Variants in PDE10A observed in about 807,000 individuals in gnomAD.
PDE10A encodes the protein cAMP and cAMP-inhibited cGMP 3',5'-cyclic phosphodiesterase 10A.
In PDE10A, 39 loss-of-function variants were observed where a neutral mutation model predicts 97.7. The ratio of observed to expected loss-of-function variants is 0.40; its 90% CI spans 0.31 to 0.52. The LOEUF (loss-of-function observed/expected upper bound fraction) is 0.52, where lower values mean the gene tolerates loss of function less well. PDE10A is among the 20% of genes least tolerant of loss of function. The pLI is 0.56. For synonymous variants in PDE10A, 371 were observed against 376.8 expected (o/e 0.98, Z 0.18); for missense variants, 731 against 1,047.8 (o/e 0.70, Z 4.17).
intron 18 of PDE10A, among the ~76,000 whole-genome samples, chr6:165,375,824 T>C (rs1355411997): frequency 2.0e-5 from 3 of 152,224 alleles, no homozygotes; most frequent in Non-Finnish European, 4.4e-5. Flanking sequence ...GTCAATTCTG[T>C]CTGTGCTCTA....
At chr6:165,659,613 CA>C (rs1221052269) in intron 1 of PDE10A, among the ~76,000 whole-genome samples, 3 of 152,336 alleles carry the variant, frequency 2.0e-5, no homozygotes, top group Admixed American at 6.5e-5. Flanking sequence ...AGTCATGTCC[CA>C]AATAAGACTG....
chr6:165,457,779 A>T (rs934357498), intron 3 of PDE10A, among the ~76,000 whole-genome samples: 1 of 151,116 alleles, frequency 6.6e-6, no homozygotes, highest in Non-Finnish European at 1.5e-5. Flanking sequence ...AATCAGTGTT[A>T]ATTGTTGGTT....
intron 14 of PDE10A, 67 bp downstream of exon 14, chr6:165,396,250 T>C: frequency 7.0e-7 from 1 of 1,421,690 alleles, no homozygotes; most frequent in Admixed American, 1.8e-5. Context: ...TTCTATAATC[T>C]GTCTCACTTT....
chr6:165,673,497 T>TA (rs1790706377), intron 1 of PDE10A, among the ~76,000 whole-genome samples: 1 of 152,250 alleles, frequency 6.6e-6, no homozygotes, highest in South Asian at 2.1e-4. Flanking sequence ...CTGACCCCTG[T>TA]ACCTAGGCAA....
intron 10 of PDE10A, among the ~76,000 whole-genome samples, chr6:165,419,349 T>C (rs912399924): frequency 6.6e-6 from 1 of 152,228 alleles, no homozygotes; most frequent in Non-Finnish European, 1.5e-5. Flanking sequence ...TATTAAGTGT[T>C]TACTATGTGC....
In PDE10A at chr6:165,629,886, T is replaced by TA. The variant is rs559296468; in HGVS notation, c.865+32060_865+32061insT. On this transcript the variant is annotated intron_variant, in intron 1 of 21. Coordinates refer to ENST00000539869, the MANE Select transcript of PDE10A (RefSeq NM_001385079.1). ...TTGAGTTATGAATTTTTGTTTTTTT[T>TA]TAATTAAAGAACAGTAGAGAATTTT... Among the ~76,000 whole-genome samples the TA allele has an allele frequency of 3.0e-3, 413 of 138,386 alleles. 3 individuals are homozygous for TA. Among genetic ancestry groups the TA allele is most frequent in the Middle Eastern group, 0.029 (7 of 242 alleles). The allele number at this position is 138,386 out of a possible 152,430, so 90.8% of individuals were successfully genotyped here.
At chr6:165,538,516 G>A (rs541597509) in intron 2 of PDE10A, among the ~76,000 whole-genome samples, 1 of 151,996 alleles carries the variant, frequency 6.6e-6, no homozygotes, top group Non-Finnish European at 1.5e-5. Flanking sequence ...TTACATTTGA[G>A]GTTTTTAAGA....
At chr6:165,580,557 G>A (rs1785555097) in intron 1 of PDE10A, among the ~76,000 whole-genome samples, 1 of 152,208 alleles carries the variant, frequency 6.6e-6, no homozygotes, top group Non-Finnish European at 1.5e-5. Flanking sequence ...AAAAAGTAAT[G>A]TGCATATATA....
chr6:165,592,778 T>C (rs991917565), intron 1 of PDE10A, among the ~76,000 whole-genome samples: 1 of 152,130 alleles, frequency 6.6e-6, no homozygotes, highest in Non-Finnish European at 1.5e-5. Flanking sequence ...AAAATGGCCA[T>C]CATTAAAAAG....
intron 1 of PDE10A, among the ~76,000 whole-genome samples, chr6:165,727,307 C>G (rs113094658): frequency 4.6e-5 from 7 of 152,350 alleles, no homozygotes; most frequent in African/African-American, 1.7e-4. Flanking sequence ...GGTCACGCTT[C>G]TGGCTCACAA....
At chr6:165,570,578 T>C (rs1029614473) in intron 1 of PDE10A, among the ~76,000 whole-genome samples, 1 of 152,220 alleles carries the variant, frequency 6.6e-6, no homozygotes, top group Non-Finnish European at 1.5e-5. Context: ...TCTCAAACAC[T>C]ACTTAATTTT....
intron 5 of PDE10A, among the ~76,000 whole-genome samples, chr6:165,439,845 C>T (rs1420417283): frequency 2.0e-5 from 3 of 152,088 alleles, no homozygotes; most frequent in African/African-American, 7.2e-5. Flanking sequence ...AGAGAATAGA[C>T]TAGTACAATT....
intron 18 of PDE10A, among the ~76,000 whole-genome samples, chr6:165,367,260 T>C (rs1261270918): frequency 6.6e-6 from 1 of 151,598 alleles, no homozygotes; most frequent in Non-Finnish European, 1.5e-5. Flanking sequence ...TGTGTGTGTG[T>C]GTGCGTGCAT....
chr6:165,775,576 A>G (rs1033625591), intron 1 of PDE10A: 1 of 152,212 alleles, frequency 6.6e-6, no homozygotes, highest in Non-Finnish European at 1.5e-5. Flanking sequence ...ATAATGCTTA[A>G]GCACTTGAGG....
chr6:165,894,304 C>A (rs1370139491), intron 1 of PDE10A: 2 of 455,910 alleles, frequency 4.4e-6, no homozygotes, highest in African/African-American at 2.0e-5. Flanking sequence ...ATCCAATCTG[C>A]AGATGACAAA....
At chr6:165,807,223 A>ATCT (rs879762441) in intron 1 of PDE10A, among the ~76,000 whole-genome samples, 2,170 of 152,328 alleles carry the variant, frequency 0.014, 42 homozygotes, top group African/African-American at 0.049. Context: ...TTCATAAGTC[A>ATCT]GATAAGCAGA....
chr6:165,477,812 T>G (rs1217118742), intron 3 of PDE10A, among the ~76,000 whole-genome samples: 1 of 152,166 alleles, frequency 6.6e-6, no homozygotes, highest in African/African-American at 2.4e-5. Flanking sequence ...GAAGGTGAAA[T>G]AAAGGTACAG....
intron 1 of PDE10A, among the ~76,000 whole-genome samples, chr6:165,846,916 A>G (rs1163998720): frequency 1.3e-5 from 2 of 152,194 alleles, no homozygotes; most frequent in African/African-American, 4.8e-5. Context: ...GGTGCCGTAC[A>G]TGGTGTTTCT....
At chr6:165,857,885 A>G (rs1374776437) in intron 1 of PDE10A, among the ~76,000 whole-genome samples, 1 of 152,222 alleles carries the variant, frequency 6.6e-6, no homozygotes, top group Non-Finnish European at 1.5e-5. Flanking sequence ...AAACAAGCAC[A>G]ACATGCACAA....
Sources: gnomAD v4.1 joint callset for allele counts (sites outside exome capture counted in the v4.1 genomes callset) on GRCh38, gnomAD v4.1.1 for gene constraint, MANE v1.5 for transcripts, NCBI Gene and HGNC (gene_info 2026-07-23, HGNC 2026-07-21) for gene names.